The following CTNND2 variants were observed in gnomAD, a reference collection of about 807,000 sequenced individuals.
CTNND2 encodes catenin delta-2.
CTNND2 carries 22 observed loss-of-function variants against 144.4 expected under a neutral mutation model. The observed-to-expected ratio is 0.15, with a 90% CI of 0.11 to 0.22. The LOEUF (loss-of-function observed/expected upper bound fraction) is 0.22. Among genes scored for constraint, CTNND2 ranks in the 10% least tolerant of loss-of-function variants. The pLI, the probability that CTNND2 is intolerant of heterozygous loss-of-function variation, is 1.00. For missense variants in CTNND2, 1,353 were observed against 1,618.8 expected, an observed-to-expected ratio of 0.84 and a Z score of 2.82; for synonymous variants, 751 against 695.6, an observed-to-expected ratio of 1.08 and a Z score of -1.25.
intron 1 of CTNND2, among the ~76,000 whole-genome samples, chr5:11,872,519 A>C (rs1294419628): frequency 1.3e-5 from 2 of 152,130 alleles, no homozygotes; most frequent in African/African-American, 4.8e-5. Context: ...AAGCATTCCT[A>C]TTTCTCCACA....
At chr5:11,567,794 C>G (rs553184141) in intron 2 of CTNND2, among the ~76,000 whole-genome samples, 3 of 152,142 alleles carry the variant, frequency 2.0e-5, no homozygotes, top group Non-Finnish European at 4.4e-5. Context: ...CTAGTTTCAG[C>G]TGATTGACTT....
At chr5:11,579,836 T>A (rs965483546) in intron 2 of CTNND2, among the ~76,000 whole-genome samples, 3 of 152,174 alleles carry the variant, frequency 2.0e-5, no homozygotes, top group Non-Finnish European at 4.4e-5. Flanking sequence ...TTTTACCTGA[T>A]AGAGAGGGCT....
chr5:11,719,463 G>A (rs1039764967), intron 2 of CTNND2, among the ~76,000 whole-genome samples: 4 of 152,068 alleles, frequency 2.6e-5, no homozygotes, highest in South Asian at 2.1e-4. Flanking sequence ...GGTTCCTAAC[G>A]CTACATAATA....
intron 16 of CTNND2, among the ~76,000 whole-genome samples, chr5:11,035,673 G>A (rs1001079364): frequency 2.0e-5 from 3 of 152,224 alleles, no homozygotes; most frequent in African/African-American, 7.2e-5. Context: ...GAATGTGTCT[G>A]TAAGATAATG....
chr5:11,164,999 A>C (rs530462893), intron 11 of CTNND2, among the ~76,000 whole-genome samples: 1 of 152,320 alleles, frequency 6.6e-6, no homozygotes, highest in East Asian at 1.9e-4. Context: ...CTAAAGAAAA[A>C]TAAAAAATAA....
intron 15 of CTNND2, chr5:11,084,097 T>C (rs927251165): frequency 1.6e-5 from 5 of 317,536 alleles, no homozygotes; most frequent in Non-Finnish European, 2.3e-5. Context: ...TAGGAAGCCT[T>C]GAGGGGGTAG....
chr5:11,092,698 T>A (rs1185726350), intron 15 of CTNND2, among the ~76,000 whole-genome samples: 1 of 152,236 alleles, frequency 6.6e-6, no homozygotes, highest in African/African-American at 2.4e-5. Flanking sequence ...TAGTTTCTAA[T>A]TGATGAGGCA....
At chr5:11,156,312 T>A (rs1270533680) in intron 12 of CTNND2, among the ~76,000 whole-genome samples, 1 of 152,138 alleles carries the variant, frequency 6.6e-6, no homozygotes, top group African/African-American at 2.4e-5. Flanking sequence ...AAACACTAAT[T>A]CCTTAAATTC....
intron 2 of CTNND2, among the ~76,000 whole-genome samples, chr5:11,568,834 G>C (rs923117351): frequency 6.6e-6 from 1 of 152,230 alleles, no homozygotes; most frequent in Non-Finnish European, 1.5e-5. Context: ...GCATTCAAGA[G>C]AGGGATGTTG....
intron 1 of CTNND2, among the ~76,000 whole-genome samples, chr5:11,872,688 A>G (rs1445903863): frequency 6.6e-6 from 1 of 152,012 alleles, no homozygotes; most frequent in African/African-American, 2.4e-5. Context: ...TTCTTTTGAG[A>G]AGTGTCTGTT....
intron 5 of CTNND2, 101 bp from the exon 6 acceptor site, chr5:11,397,304 G>T: frequency 1.1e-6 from 1 of 928,198 alleles, no homozygotes; most frequent in Non-Finnish European, 1.5e-6. Flanking sequence ...TCATGCACAT[G>T]ATTCCAGCCA....
intron 3 of CTNND2, among the ~76,000 whole-genome samples, chr5:11,419,982 T>C (rs1226426702): frequency 2.0e-5 from 3 of 152,084 alleles, no homozygotes; most frequent in African/African-American, 7.2e-5. Flanking sequence ...AGTTAAGCAA[T>C]GTACCTAAAA....
chr5:11,428,091 C>T (rs1762954413), intron 3 of CTNND2, among the ~76,000 whole-genome samples: 1 of 152,082 alleles, frequency 6.6e-6, no homozygotes, highest in African/African-American at 2.4e-5. Flanking sequence ...AAAGACCGCC[C>T]CCATGATTCA....
chr5:11,725,527 T>C (rs1175934205), intron 2 of CTNND2, among the ~76,000 whole-genome samples: 1 of 152,124 alleles, frequency 6.6e-6, no homozygotes, highest in Non-Finnish European at 1.5e-5. Flanking sequence ...AGAAAAATAT[T>C]TTTCTTCAGA....
chr5:11,095,998 A>G (rs35026844), intron 15 of CTNND2, among the ~76,000 whole-genome samples: 11,101 of 152,034 alleles, frequency 0.073, 535 homozygotes, highest in Non-Finnish European at 0.1. Context: ...TTACACATAT[A>G]TGAGGTCACT....
intron 9 of CTNND2, among the ~76,000 whole-genome samples, chr5:11,338,499 G>A (rs1412539399): frequency 2.6e-5 from 4 of 152,178 alleles, no homozygotes; most frequent in Non-Finnish European, 5.9e-5. Flanking sequence ...GTCTGTATAC[G>A]AGAGCACAAA....
intron 4 of CTNND2, 82 bp downstream of exon 4, chr5:11,411,953 T>A (rs948192274): frequency 9.1e-7 from 1 of 1,102,014 alleles, no homozygotes; most frequent in Non-Finnish European, 1.4e-6. Flanking sequence ...CTTTTCTAAG[T>A]CTCATTCTAA....
intron 15 of CTNND2, among the ~76,000 whole-genome samples, chr5:11,092,896 A>G (rs1181901136): frequency 6.6e-6 from 1 of 152,216 alleles, no homozygotes; most frequent in Non-Finnish European, 1.5e-5. Context: ...TTTACATGAT[A>G]CACTACCTAC....
chr5:11,042,109 T>G (rs184804593), intron 16 of CTNND2, among the ~76,000 whole-genome samples: 2 of 152,228 alleles, frequency 1.3e-5, no homozygotes, highest in East Asian at 3.9e-4. Flanking sequence ...TCCAGAGAAG[T>G]GGGGGTCTGA....
Sources: gnomAD v4.1 joint callset for allele counts (sites outside exome capture counted in the v4.1 genomes callset) on GRCh38, gnomAD v4.1.1 for gene constraint, MANE v1.5 for transcripts, NCBI Gene and HGNC (gene_info 2026-07-23, HGNC 2026-07-21) for gene names.